The following GSE1 variants were observed in gnomAD, a reference collection of about 807,000 sequenced individuals.
The protein encoded by GSE1 is Gse1 coiled-coil protein.
Under a neutral mutation model 112.6 loss-of-function variants are expected in GSE1, and 32 were observed. That is an observed-to-expected ratio of 0.28 (90% CI 0.21 to 0.38). The LOEUF is 0.38. Ranked by LOEUF, GSE1 falls within the 10% of genes least tolerant of loss-of-function variation. The pLI is 1.00. For missense variants in GSE1, 2,348 were observed against 1,699.2 expected (o/e 1.38, Z -6.71); for synonymous variants, 1,115 against 735.6 (o/e 1.52, Z -8.35).
chr16:85,654,382 C>T lies in GSE1; in HGVS notation c.531C>T (p.Leu177=). ...GACCAGCCATCCCCTCGCACCTGCT[C>T]AGCACCCCCTACCCCTTCGGCCTCT... ...AGGPAIPSHL[L]STPYPFGLSP... Residue 177 remains leucine (L), a synonymous_variant, in exon 4 of 16, where the codon CTC becomes CTT. Coordinates refer to ENST00000253458, the MANE Select transcript of GSE1 (RefSeq NM_014615.5). 2.5e-6 allele frequency: 4 copies of T among 1,611,650 alleles called. No homozygotes were observed. The highest frequency in any genetic ancestry group is 3.4e-6 in the Non-Finnish European group (4 of 1,179,280).
rs946359372 is a variant in GSE1, at chr16:85,306,297, T to C, written c.2284-51166T>C. On this transcript the variant is annotated intron_variant, in intron 1 of 2. Transcript: ENST00000637419. ...CAGGAAGGAGGCTGGCTGGGTCACG[T>C]TGACACTCTGGCATGTGGACCTGGC... 8 of 154,280 alleles carry C rather than the reference T, an allele frequency of 5.2e-5. No homozygotes were observed. The South Asian group carries it at 6.1e-4, about 12-fold the overall frequency. 9.6% of individuals were successfully genotyped at this position (154,280 alleles called of 1,614,324 possible). A position where few individuals can be genotyped will look rare whatever the true frequency, so the allele number is the denominator to read the frequency against.
At chr16:85,378,878 C>G (rs1160541263) in intron 2 of GSE1, among the ~76,000 whole-genome samples, 1 of 152,216 alleles carries the variant, frequency 6.6e-6, no homozygotes, top group Admixed American at 6.5e-5. Flanking sequence ...TTGAGAACTT[C>G]CCTGAACCAG....
chr16:85,608,324 T>C (rs2047803635), upstream of GSE1, among the ~76,000 whole-genome samples: 2 of 152,220 alleles, frequency 1.3e-5, no homozygotes, highest in African/African-American at 2.4e-5. Context: ...TCTGTGGACT[T>C]AGCCCCCCGC....
At chr16:85,331,025 A>G (rs186221344) in intron 1 of GSE1, among the ~76,000 whole-genome samples, 2 of 152,052 alleles carry the variant, frequency 1.3e-5, no homozygotes, top group Non-Finnish European at 1.5e-5. Flanking sequence ...ATACCCTGCT[A>G]TGTTGCTTTA....
chr16:85,436,580 G>C (rs998855867), intron 2 of GSE1, among the ~76,000 whole-genome samples: 1 of 152,254 alleles, frequency 6.6e-6, no homozygotes, highest in African/African-American at 2.4e-5. Flanking sequence ...ACTCGGCCCA[G>C]AGTGTGAAGG....
intron 2 of GSE1, among the ~76,000 whole-genome samples, chr16:85,417,643 G>T (rs112682467): frequency 8.5e-5 from 13 of 152,234 alleles, no homozygotes; most frequent in African/African-American, 3.1e-4. Context: ...ATGTCCCTGG[G>T]TATGGAAGGC....
intron 1 of GSE1, among the ~76,000 whole-genome samples, chr16:85,298,908 C>T (rs1036556235): frequency 3.9e-5 from 6 of 152,122 alleles, no homozygotes; most frequent in Admixed American, 6.5e-5. Flanking sequence ...TGCTGGTGGA[C>T]GGGCTTTCTC....
intron 1 of GSE1, among the ~76,000 whole-genome samples, chr16:85,212,212 C>G (rs2075238086): frequency 6.6e-6 from 1 of 152,172 alleles, no homozygotes. Flanking sequence ...TCGAGACCAG[C>G]CTGGCCAACA....
intron 1 of GSE1, among the ~76,000 whole-genome samples, chr16:85,283,943 C>G (rs576003264): frequency 6.6e-6 from 1 of 152,326 alleles, no homozygotes; most frequent in African/African-American, 2.4e-5. Context: ...TCCCTCCTGC[C>G]CACATGTCCT....
intron 2 of GSE1, among the ~76,000 whole-genome samples, chr16:85,408,245 T>C (rs867161705): frequency 3.5e-3 from 3 of 846 alleles, no homozygotes; most frequent in African/African-American, 0.018. Flanking sequence ...TAATCCTCAC[T>C]GTTACACTCA....
intron 1 of GSE1, among the ~76,000 whole-genome samples, chr16:85,601,288 G>A (rs1283263280): frequency 5.9e-5 from 9 of 151,942 alleles, no homozygotes; most frequent in Admixed American, 5.9e-4. Context: ...GGTGGGAGGG[G>A]AGCAGCCCCA....
At chr16:85,444,565 G>C (rs1472942675) in intron 2 of GSE1, among the ~76,000 whole-genome samples, 2 of 152,178 alleles carry the variant, frequency 1.3e-5, no homozygotes, top group Admixed American at 6.5e-5. Flanking sequence ...GGTCCAGAGG[G>C]CAAAGGTCAC....
intron 1 of GSE1, among the ~76,000 whole-genome samples, chr16:85,301,944 G>T (rs1450641231): frequency 6.6e-6 from 1 of 152,194 alleles, no homozygotes; most frequent in East Asian, 1.9e-4. Flanking sequence ...GCCTGAGCAG[G>T]TCCATGCCCC....
chr16:85,262,123 GA>G (rs1907760114), intron 1 of GSE1, among the ~76,000 whole-genome samples: 1 of 152,160 alleles, frequency 6.6e-6, no homozygotes, highest in South Asian at 2.1e-4. Context: ...CGGGTGCTTG[GA>G]ATGCCCCAAA....
intron 1 of GSE1, among the ~76,000 whole-genome samples, chr16:85,300,049 T>C (rs545857089): frequency 1.3e-5 from 2 of 152,128 alleles, no homozygotes; most frequent in East Asian, 3.9e-4. Context: ...TTTGCTCTTC[T>C]AGCCCAGGCT....
At chr16:85,642,852 C>G (rs939518335) in intron 2 of GSE1, among the ~76,000 whole-genome samples, 1 of 152,200 alleles carries the variant, frequency 6.6e-6, no homozygotes. Context: ...CTCCCCTTTC[C>G]TTCCATGCTC....
intron 1 of GSE1, among the ~76,000 whole-genome samples, chr16:85,255,551 A>G (rs1906984885): frequency 6.6e-6 from 1 of 151,722 alleles, no homozygotes; most frequent in South Asian, 2.1e-4. Context: ...AGCTGGGATT[A>G]CAGGCGCCCA....
At chr16:85,357,427 G>A in intron 1 of GSE1, 1 of 1,170,102 alleles carries the variant, frequency 8.5e-7, no homozygotes, top group Non-Finnish European at 1.1e-6. Flanking sequence ...TGCAGGCATG[G>A]CCCAGGCTCA....
chr16:85,576,741 C>T (rs1365702319), intron 1 of GSE1, among the ~76,000 whole-genome samples: 1 of 152,130 alleles, frequency 6.6e-6, no homozygotes, highest in Non-Finnish European at 1.5e-5. Context: ...CAGTTGTGTC[C>T]TGGGGTTGCA....
Sources: gnomAD v4.1 joint callset for allele counts (sites outside exome capture counted in the v4.1 genomes callset) on GRCh38, gnomAD v4.1.1 for gene constraint, MANE v1.5 for transcripts, NCBI Gene and HGNC (gene_info 2026-07-23, HGNC 2026-07-21) for gene names.